Variants in CDH12 observed in about 807,000 individuals in gnomAD.
The protein encoded by CDH12 is cadherin 12.
In CDH12, 41 loss-of-function variants were observed where a neutral mutation model predicts 74.1. That is an observed-to-expected ratio of 0.55 (90% CI 0.43 to 0.72). The LOEUF (loss-of-function observed/expected upper bound fraction) is 0.72, where lower values mean the gene tolerates loss of function less well. Ranked by LOEUF, CDH12 falls within the 30% of genes least tolerant of loss-of-function variation. The pLI, the probability that CDH12 is intolerant of heterozygous loss-of-function variation, is 0.00. For missense variants in CDH12, 945 were observed against 977.2 expected (o/e 0.97, Z 0.44); for synonymous variants, 399 against 355.0 (o/e 1.12, Z -1.39).
intron 10 of CDH12, among the ~76,000 whole-genome samples, chr5:21,796,287 C>A (rs180756887): frequency 2.0e-5 from 3 of 151,934 alleles, no homozygotes; most frequent in African/African-American, 7.2e-5. Flanking sequence ...GAGCAACTTA[C>A]GTTAGCCTAC....
chr5:22,134,228 T>C lies in CDH12; in HGVS notation c.-186-55366A>G, dbSNP rs567544228. ...ACTTCTAATAGGCAAAGATAGCACA[T>C]GTCTACATGCACTGATTTGGAAGAA... On this transcript the variant is annotated intron_variant, in intron 4 of 14. Transcript: ENST00000382254. 2.6e-5 allele frequency among the ~76,000 whole-genome samples: 4 copies of C among 151,902 alleles called. No individual in the cohort carries two copies. In the East Asian group the frequency reaches 5.8e-4, roughly 22 times the overall value.
intron 3 of CDH12, among the ~76,000 whole-genome samples, chr5:22,317,256 T>G (rs113163117): frequency 6.6e-6 from 1 of 152,010 alleles, no homozygotes; most frequent in African/African-American, 2.4e-5. Context: ...AGGCGGAGAT[T>G]GCAGTGGGCC....
At chr5:21,880,675 C>CTTTCTTTCTTTG (rs1752294772) in intron 6 of CDH12, among the ~76,000 whole-genome samples, 1 of 115,776 alleles carries the variant, frequency 8.6e-6, no homozygotes, top group South Asian at 2.8e-4. Context: ...TTCTTTCTTT[C>CTTTCTTTCTTTG]TTTCTTTCTT....
At chr5:22,285,968 T>C (rs1737115534) in intron 3 of CDH12, among the ~76,000 whole-genome samples, 1 of 152,062 alleles carries the variant, frequency 6.6e-6, no homozygotes, top group Non-Finnish European at 1.5e-5. Flanking sequence ...TTCTTGAAAT[T>C]ATTTTTATAA....
chr5:22,042,205 T>A (rs993729282), intron 5 of CDH12, among the ~76,000 whole-genome samples: 4 of 151,158 alleles, frequency 2.6e-5, no homozygotes, highest in South Asian at 2.1e-4. Context: ...TAAAAAAAAA[T>A]TAGAAATATC....
intron 3 of CDH12, among the ~76,000 whole-genome samples, chr5:22,392,388 T>C (rs1422200140): frequency 6.6e-6 from 1 of 152,196 alleles, no homozygotes; most frequent in Non-Finnish European, 1.5e-5. Context: ...CCTACTTTTG[T>C]TTCTCAACTG....
At chr5:21,883,873 C>T in intron 6 of CDH12, 1 of 1,606,448 alleles carries the variant, frequency 6.2e-7, no homozygotes, top group Non-Finnish European at 8.5e-7. Flanking sequence ...CTTAATGCTA[C>T]AAGAGCTGCT....
At chr5:22,145,367 G>A (rs1747094383) in intron 4 of CDH12, among the ~76,000 whole-genome samples, 1 of 151,946 alleles carries the variant, frequency 6.6e-6, no homozygotes, top group African/African-American at 2.4e-5. Flanking sequence ...GTTCTTTCCA[G>A]TACATTTGTC....
intron 3 of CDH12, among the ~76,000 whole-genome samples, chr5:22,257,388 G>A (rs1466353135): frequency 1.3e-5 from 2 of 151,572 alleles, no homozygotes; most frequent in South Asian, 2.1e-4. Flanking sequence ...TATATAATAA[G>A]GATATTAAGA....
intron 1 of CDH12, among the ~76,000 whole-genome samples, chr5:22,563,439 A>G (rs1188645960): frequency 6.6e-6 from 1 of 151,996 alleles, no homozygotes; most frequent in East Asian, 1.9e-4. Context: ...TATTTTTCCT[A>G]TTGAGTTGTT....
At chr5:22,236,731 G>T (rs1313693179) in intron 3 of CDH12, among the ~76,000 whole-genome samples, 1 of 152,122 alleles carries the variant, frequency 6.6e-6, no homozygotes, top group East Asian at 1.9e-4. Flanking sequence ...GGGCTATGGA[G>T]TGAGACTCTG....
At chr5:21,896,088 C>G (rs7442801) in intron 6 of CDH12, among the ~76,000 whole-genome samples, 3 of 151,976 alleles carry the variant, frequency 2.0e-5, no homozygotes, top group Non-Finnish European at 4.4e-5. Flanking sequence ...CTCTACATAG[C>G]GTAAGGTTTG....
At chr5:22,210,717 A>G (rs2150361936) in intron 4 of CDH12, among the ~76,000 whole-genome samples, 1 of 152,076 alleles carries the variant, frequency 6.6e-6, no homozygotes, top group African/African-American at 2.4e-5. Context: ...TGATGCCACC[A>G]TCAATTCTGA....
chr5:21,775,259 G>A (rs1468117756), intron 11 of CDH12, among the ~76,000 whole-genome samples: 8 of 152,262 alleles, frequency 5.3e-5, no homozygotes, highest in South Asian at 2.1e-4. Flanking sequence ...TTTGTTTCTC[G>A]TAAGGTTAAC....
intron 3 of CDH12, among the ~76,000 whole-genome samples, chr5:22,232,031 C>T (rs140264143): frequency 0.01 from 1,539 of 151,622 alleles, 11 homozygotes; most frequent in Middle Eastern, 0.023. Flanking sequence ...TTTATAGTAG[C>T]CACTTAAATA....
At chr5:22,536,569 G>A (rs1361157706) in intron 1 of CDH12, among the ~76,000 whole-genome samples, 1 of 152,074 alleles carries the variant, frequency 6.6e-6, no homozygotes, top group East Asian at 1.9e-4. Flanking sequence ...CTAATGTATT[G>A]CAACACCCAA....
intron 3 of CDH12, among the ~76,000 whole-genome samples, chr5:22,323,781 T>A (rs894529985): frequency 6.6e-6 from 1 of 152,078 alleles, no homozygotes; most frequent in African/African-American, 2.4e-5. Flanking sequence ...TTTGCTTTGC[T>A]TTAAGTTATA....
intron 3 of CDH12, among the ~76,000 whole-genome samples, chr5:22,328,475 C>T (rs781015437): frequency 4.6e-5 from 7 of 152,112 alleles, no homozygotes; most frequent in Admixed American, 1.3e-4. Flanking sequence ...ATTGGGGAAA[C>T]TTTAGTCTGT....
At chr5:21,958,746 CT>C (rs1756213859) in intron 6 of CDH12, among the ~76,000 whole-genome samples, 1 of 152,074 alleles carries the variant, frequency 6.6e-6, no homozygotes. Context: ...CAGCTTTGTT[CT>C]TTTTCTTAAG....
Sources: gnomAD v4.1 joint callset for allele counts (sites outside exome capture counted in the v4.1 genomes callset) on GRCh38, gnomAD v4.1.1 for gene constraint, MANE v1.5 for transcripts, NCBI Gene and HGNC (gene_info 2026-07-23, HGNC 2026-07-21) for gene names.